RFTN1: variants seen among roughly 807,000 people sequenced by gnomAD.
RFTN1 encodes raftlin, lipid raft linker 1, also known as raftlin.
Under a neutral mutation model 46.5 loss-of-function variants are expected in RFTN1, and 26 were observed. That is an observed-to-expected ratio of 0.56 (90% CI 0.41 to 0.78). RFTN1 has a LOEUF of 0.78. RFTN1 is among the 30% of genes least tolerant of loss of function. The pLI is 0.00. For missense variants in RFTN1, 693 were observed against 718.7 expected, an observed-to-expected ratio of 0.96 and a Z score of 0.41; for synonymous variants, 261 against 284.2, an observed-to-expected ratio of 0.92 and a Z score of 0.82.
intron 4 of RFTN1, among the ~76,000 whole-genome samples, chr3:16,391,858 G>GTTTTTTTTTTTTTTTTTT (rs1272551461): frequency 2.0e-5 from 1 of 49,122 alleles, no homozygotes; most frequent in Non-Finnish European, 5.4e-5. Context: ...TAGTGCAAAG[G>GTTTTTTTTTTTTTTTTTT]TTTTTTTTTT....
rs554271326 is a variant in RFTN1 at position 16,329,980 on chromosome 3, G to A, written c.1147-3104C>T. Among the ~76,000 whole-genome samples the A allele has an allele frequency of 3.3e-5, 5 of 152,210 alleles. No homozygotes were observed. The highest frequency in any genetic ancestry group is 2.1e-4 in the South Asian group (1 of 4,824). ...CGCCTGCTTAGACAGACTGCAAACC[G>A]GCTGCTTCTATTTTGCTCCGTTTTA... On this transcript the variant is annotated intron_variant, in intron 7 of 9. Coordinates refer to ENST00000334133, the MANE Select transcript of RFTN1 (RefSeq NM_015150.2). This position sits in a 1 kb window ranked among gnomAD's most constrained non-coding sequence, Gnocchi z 4.5.
chr3:16,389,947 C>T (rs772732209), intron 4 of RFTN1, among the ~76,000 whole-genome samples: 39 of 152,198 alleles, frequency 2.6e-4, no homozygotes, highest in Non-Finnish European at 4.9e-4. Context: ...GCTCTTAGAA[C>T]CTAGCTGCCA....
chr3:16,450,630 G>A lies in RFTN1; in HGVS notation c.146-16593C>T. On this transcript the variant is annotated intron_variant, in intron 2 of 9. Coordinates refer to ENST00000334133, the MANE Select transcript of RFTN1 (RefSeq NM_015150.2). This position sits in a 1 kb window ranked among gnomAD's most constrained non-coding sequence, Gnocchi z 4.6. ...ACCTCCTGTCTCTAACTGCTCCTGA[G>A]GCAGGACAGGCACCCCAAACCAGGA... Among the ~76,000 whole-genome samples, 1 of 152,156 alleles carries A rather than the reference G, an allele frequency of 6.6e-6. No individual in the cohort carries two copies. The highest frequency in any genetic ancestry group is 1.5e-5 in the Non-Finnish European group (1 of 68,018).
rs774593981 is a variant in RFTN1, at chr3:16,317,266, G to A, written c.1333-34C>T. ...CAGAAAGGATGGGGATAAATAACAA[G>A]CCTCCGGGAACCCAGAGCTTCACCC... On this transcript the variant is annotated intron_variant, in intron 9 of 9. Transcript: ENST00000334133. This position sits in a 1 kb window ranked among gnomAD's most constrained non-coding sequence, Gnocchi z 4.3. 1.9e-6 allele frequency: 3 copies of A among 1,603,172 alleles called. No homozygotes were observed. The highest frequency in any genetic ancestry group is 2.5e-6 in the Non-Finnish European group (3 of 1,178,642).
At chr3:16,395,339 T>C (rs2074442274) in intron 4 of RFTN1, among the ~76,000 whole-genome samples, 1 of 152,158 alleles carries the variant, frequency 6.6e-6, no homozygotes, top group Non-Finnish European at 1.5e-5. Flanking sequence ...AAACTGAAAA[T>C]TGTTTAAATA....
In RFTN1 at chr3:16,400,193, C is replaced by T. The variant is rs2074567652; in HGVS notation, c.441+9182G>A. Among the ~76,000 whole-genome samples the T allele has an allele frequency of 6.6e-6, 1 of 152,182 alleles. No individual in the cohort carries two copies. Among genetic ancestry groups the T allele is most frequent in the Non-Finnish European group, 1.5e-5 (1 of 68,026 alleles). On this transcript the variant is annotated intron_variant, in intron 4 of 9. Coordinates refer to ENST00000334133, the MANE Select transcript of RFTN1 (RefSeq NM_015150.2). This position sits in a 1 kb window ranked among gnomAD's most constrained non-coding sequence, Gnocchi z 4.5. ...GACTCACTCTCCAGCCTCACTCCACCTCACTCACCCCTCTGTCATTTGCAG... is the reference window on the plus strand; with the variant it reads ...GACTCACTCTCCAGCCTCACTCCACTTCACTCACCCCTCTGTCATTTGCAG...
chr3:16,428,830 G>A lies in RFTN1; in HGVS notation c.332+5021C>T, dbSNP rs997640437. 2.6e-5 allele frequency among the ~76,000 whole-genome samples: 4 copies of A among 152,030 alleles called. No individual in the cohort carries two copies. Among genetic ancestry groups the A allele is most frequent in the East Asian group, 1.9e-4 (1 of 5,194 alleles). On this transcript the variant is annotated intron_variant, in intron 3 of 9. Coordinates refer to ENST00000334133, the MANE Select transcript of RFTN1 (RefSeq NM_015150.2). The surrounding 1 kb of genome is among the most constrained non-coding windows in gnomAD (Gnocchi z 4.7). ...ACACTCATGAAACATCAGAAGTGACGTTTTAATAACTGACTTCTGTTAGCC... is the reference window on the plus strand; with the variant it reads ...ACACTCATGAAACATCAGAAGTGACATTTTAATAACTGACTTCTGTTAGCC...
chr3:16,508,833 TAA>T (rs34035632), intron 1 of RFTN1, among the ~76,000 whole-genome samples: 3 of 150,040 alleles, frequency 2.0e-5, no homozygotes, highest in Non-Finnish European at 4.5e-5. Context: ...AACTGAAGGG[TAA>T]AAAAAAAACA....
rs755668719 is a variant in RFTN1 at position 16,341,475 on chromosome 3, G to A, written c.1147-14599C>T. On this transcript the variant is annotated intron_variant, in intron 7 of 9. Transcript: ENST00000334133. This position sits in a 1 kb window ranked among gnomAD's most constrained non-coding sequence, Gnocchi z 4.7. ...ATGAAATATTATCCAGCACTAAAAA[G>A]CAATGAGCTCTCAAGAGATGGAGGA... Among the ~76,000 whole-genome samples the A allele has an allele frequency of 6.6e-6, 1 of 152,168 alleles. No homozygotes were observed. Among genetic ancestry groups the A allele is most frequent in the Non-Finnish European group, 1.5e-5 (1 of 68,022 alleles).
rs779908146 is a variant in RFTN1 at position 16,448,342 on chromosome 3, C to T, written c.146-14305G>A. ...TAGAACCTTTTGTTTTAAACAGATG[C>T]ATTTTCTTACAGTCCAAAAAAAAAC... On this transcript the variant is annotated intron_variant, in intron 2 of 9. Transcript: ENST00000334133. This position sits in a 1 kb window ranked among gnomAD's most constrained non-coding sequence, Gnocchi z 4.1. Among the ~76,000 whole-genome samples, 1 of 151,994 alleles carries T rather than the reference C, an allele frequency of 6.6e-6. No individual in the cohort carries two copies. Among genetic ancestry groups the T allele is most frequent in the Non-Finnish European group, 1.5e-5 (1 of 67,998 alleles).
In RFTN1 at chr3:16,465,967, C is replaced by A. The variant is rs948882337; in HGVS notation, c.145+27758G>T. On this transcript the variant is annotated intron_variant, in intron 2 of 9. Transcript: ENST00000334133. The surrounding 1 kb of genome is among the most constrained non-coding windows in gnomAD (Gnocchi z 5.1). Reference sequence around the variant, plus strand: ...AAGATTCCATAGTTGTTTCTCTCAGCGCTTAGATTTCTCCAGAGGCAGAAA... The same window carrying A: ...AAGATTCCATAGTTGTTTCTCTCAGAGCTTAGATTTCTCCAGAGGCAGAAA... Among the ~76,000 whole-genome samples, 2 of 152,192 alleles carry A rather than the reference C, an allele frequency of 1.3e-5. No individual in the cohort carries two copies. The highest frequency in any genetic ancestry group is 4.8e-5 in the African/African-American group (2 of 41,438).
intron 4 of RFTN1, among the ~76,000 whole-genome samples, chr3:16,409,044 T>C (rs1169824743): frequency 6.6e-6 from 1 of 152,132 alleles, no homozygotes. Flanking sequence ...GACCCATAGA[T>C]AAAAGGAAGG....
At chr3:16,339,988 C>T (rs532988037) in intron 7 of RFTN1, 2 of 152,280 alleles carry the variant, frequency 1.3e-5, no homozygotes, top group Admixed American at 1.3e-4. Context: ...ATTAATTTGC[C>T]AGGATGCTGT....
rs1225486710 is a variant in RFTN1 at position 16,344,522 on chromosome 3, A to G, written c.1146+13410T>C. On this transcript the variant is annotated intron_variant, in intron 7 of 9. Coordinates refer to ENST00000334133, the MANE Select transcript of RFTN1 (RefSeq NM_015150.2). The surrounding 1 kb of genome is among the most constrained non-coding windows in gnomAD (Gnocchi z 4.4). ...CCCCCTCGCCCAACTAGAATGCTTT[A>G]TGTGGAGCCCAAGAGCATCCATGTT... Among the ~76,000 whole-genome samples, 2 of 152,190 alleles carry G rather than the reference A, an allele frequency of 1.3e-5. No homozygotes were observed. The highest frequency in any genetic ancestry group is 4.2e-4 in the South Asian group (2 of 4,812).
At chr3:16,439,802 G>C (rs73022287) in intron 2 of RFTN1, among the ~76,000 whole-genome samples, 7,034 of 152,252 alleles carry the variant, frequency 0.046, 216 homozygotes, top group Middle Eastern at 0.071. Flanking sequence ...TGGGCTAACT[G>C]TCCTCTGGGG....
At position 16,387,203 on chromosome 3, in the gene RFTN1, TCCAGTCCAC is replaced by T. The variant is rs1384495386; in HGVS notation, c.442-9110_442-9102del. Among the ~76,000 whole-genome samples, 3 of 152,140 alleles carry T rather than the reference TCCAGTCCAC, an allele frequency of 2.0e-5. No individual in the cohort carries two copies. The highest frequency in any genetic ancestry group is 4.8e-5 in the African/African-American group (2 of 41,426). On this transcript the variant is annotated intron_variant, in intron 4 of 9. Transcript: ENST00000334133. The surrounding 1 kb of genome is among the most constrained non-coding windows in gnomAD (Gnocchi z 5.2). ...ACACATCCCACAAATGTCGCATCCATCCAGTCCACCCAGGGCCACAAGGAGGAGGGCTCA... is the reference window on the plus strand; with the variant it reads ...ACACATCCCACAAATGTCGCATCCATCCAGGGCCACAAGGAGGAGGGCTCA...
rs78749605 is a variant in RFTN1, at chr3:16,486,606, G to T, written c.145+7119C>A. On this transcript the variant is annotated intron_variant, in intron 2 of 9. Transcript: ENST00000334133. ...GCCAACTGTCCCTGGCACCAAATTTGCATAAAACTCCAAATCCACCTGAGG... is the reference window on the plus strand; with the variant it reads ...GCCAACTGTCCCTGGCACCAAATTTTCATAAAACTCCAAATCCACCTGAGG... Among the ~76,000 whole-genome samples, 1,115 of 152,268 alleles carry T rather than the reference G, an allele frequency of 7.3e-3. 12 individuals are homozygous for T. Among genetic ancestry groups the T allele is most frequent in the African/African-American group, 0.026 (1,071 of 41,540 alleles).
In RFTN1 at chr3:16,421,476, G is replaced by A. The variant is rs56764336; in HGVS notation, c.333-11993C>T. ...AAGTGATTCTCCTGCCTCAGCCCCC[G>A]GAGTAGCTGGGACTACAGGTGCATG... On this transcript the variant is annotated intron_variant, in intron 3 of 9. Coordinates refer to ENST00000334133, the MANE Select transcript of RFTN1 (RefSeq NM_015150.2). This position sits in a 1 kb window ranked among gnomAD's most constrained non-coding sequence, Gnocchi z 4.6. 0.17 allele frequency among the ~76,000 whole-genome samples: 25,885 copies of A among 151,744 alleles called. 2,315 individuals are homozygous for A. Among genetic ancestry groups the A allele is most frequent in the Admixed American group, 0.22 (3,415 of 15,246 alleles).
chr3:16,376,596 G>T lies in RFTN1; in HGVS notation c.826+1122C>A, dbSNP rs1489176633. Among the ~76,000 whole-genome samples, 1 of 152,244 alleles carries T rather than the reference G, an allele frequency of 6.6e-6. No homozygotes were observed. The highest frequency in any genetic ancestry group is 2.4e-5 in the African/African-American group (1 of 41,466). On this transcript the variant is annotated intron_variant, in intron 5 of 9. Transcript: ENST00000334133. The surrounding 1 kb of genome is among the most constrained non-coding windows in gnomAD (Gnocchi z 4.7). The stretch of plus-strand genomic sequence containing the variant: ...CATGCTCAGCTACTTCATGAGGGCA[G>T]CAGGCATGTGCCTCAAACAGCGAAA...
Sources: gnomAD v4.1 joint callset for allele counts (sites outside exome capture counted in the v4.1 genomes callset) on GRCh38, gnomAD v4.1.1 for gene constraint, Gnocchi (gnomAD v3.1) non-coding constraint, MANE v1.5 for transcripts, NCBI Gene and HGNC (gene_info 2026-07-23, HGNC 2026-07-21) for gene names.